The following ABR variants were observed in gnomAD, a reference collection of about 807,000 sequenced individuals.
ABR encodes ABR activator of RhoGEF and GTPase, also known as active breakpoint cluster region-related protein.
In ABR, 35 loss-of-function variants were observed where a neutral mutation model predicts 107.2. The observed-to-expected ratio is 0.33, with a 90% confidence interval of 0.25 to 0.43. ABR has a LOEUF of 0.43. ABR is among the 20% of genes least tolerant of loss of function. The pLI is 1.00. For synonymous variants in ABR, 498 were observed against 462.0 expected, an observed-to-expected ratio of 1.08 and a Z score of -1.00; for missense variants, 815 against 1,115.2, an observed-to-expected ratio of 0.73 and a Z score of 3.83.
At chr17:1,069,460 T>C (rs1326819252) in intron 9 of ABR, among the ~76,000 whole-genome samples, 2 of 152,032 alleles carry the variant, frequency 1.3e-5, no homozygotes. Flanking sequence ...GGTTGGGAGT[T>C]TGAGATCAGC....
At chr17:1,139,667 G>A (rs2040215684) in intron 1 of ABR, among the ~76,000 whole-genome samples, 1 of 152,164 alleles carries the variant, frequency 6.6e-6, no homozygotes, top group African/African-American at 2.4e-5. Context: ...TACAATGGAG[G>A]AAATGAAAGC....
intron 16 of ABR, among the ~76,000 whole-genome samples, chr17:1,018,268 T>G (rs2071345802): frequency 6.6e-6 from 1 of 150,852 alleles, no homozygotes; most frequent in African/African-American, 2.4e-5. Context: ...GGTCTTGATC[T>G]CCTGACCTCG....
chr17:1,175,225 A>G (rs1056474040), intron 1 of ABR, among the ~76,000 whole-genome samples: 3 of 152,124 alleles, frequency 2.0e-5, no homozygotes, highest in Admixed American at 2.0e-4. Flanking sequence ...CAGCCTGGCC[A>G]ACATGGTGAA....
chr17:1,103,112 C>G (rs933325913), intron 2 of ABR, among the ~76,000 whole-genome samples: 10 of 152,158 alleles, frequency 6.6e-5, no homozygotes, highest in Admixed American at 3.3e-4. Flanking sequence ...GCAAGACAGA[C>G]CCCACGCTTC....
chr17:1,189,756 T>C (rs2042392907), upstream of ABR, among the ~76,000 whole-genome samples: 1 of 152,146 alleles, frequency 6.6e-6, no homozygotes, highest in Admixed American at 6.6e-5. Flanking sequence ...CCTGCGTCGT[T>C]CCCTGCTTCT....
chr17:1,213,535 G>A (rs1410286803), intron 1 of ABR, among the ~76,000 whole-genome samples: 1 of 152,090 alleles, frequency 6.6e-6, no homozygotes. Context: ...GATTACAGGT[G>A]CATGCCACTA....
At position 1,119,376 on chromosome 17, in the gene ABR, C is replaced by T. The variant is rs1329597051; in HGVS notation, c.246+5807G>A. On this transcript the variant is annotated intron_variant, in intron 2 of 22. Coordinates refer to ENST00000302538, the MANE Select transcript of ABR (RefSeq NM_021962.5). ...CAGCGTTATCCCTGAGCCTGAGTTC[C>T]TCCCAGCGTTATCCCTGAGCCTGAG... 4.3e-3 allele frequency among the ~76,000 whole-genome samples: 130 copies of T among 30,440 alleles called. 1 individual carries two copies. Among genetic ancestry groups the T allele is most frequent in the African/African-American group, 9.1e-3 (58 of 6,408 alleles). The allele number at this position is 30,440 out of a possible 152,430, so 20.0% of individuals were successfully genotyped here. A position where few individuals can be genotyped will look rare whatever the true frequency, so the allele number is the denominator to read the frequency against.
At chr17:1,144,611 G>A (rs1042787541) in intron 1 of ABR, among the ~76,000 whole-genome samples, 1 of 152,010 alleles carries the variant, frequency 6.6e-6, no homozygotes, top group Non-Finnish European at 1.5e-5. Flanking sequence ...AGGGGCAGGG[G>A]CCAGGCTCAG....
In ABR at chr17:1,078,875, C is replaced by T. The variant is rs1446856248; in HGVS notation, c.700+455G>A. On this transcript the variant is annotated intron_variant, in intron 6 of 22. Transcript: ENST00000302538. The surrounding 1 kb of genome is among the most constrained non-coding windows in gnomAD (Gnocchi z 7.5). Reference sequence around the variant, plus strand: ...GAATCTCCATGGCAGCCTCTGTCCCCGCGGCGGGAGCGTGCAGCCATCGCT... The same window carrying T: ...GAATCTCCATGGCAGCCTCTGTCCCTGCGGCGGGAGCGTGCAGCCATCGCT... 6.5e-6 allele frequency: 10 copies of T among 1,535,414 alleles called. No homozygotes were observed. The African/African-American group carries it at 1.1e-4, about 17-fold the overall frequency.
rs536879355 is a variant in ABR, at chr17:1,133,018, G to A, written c.62-7651C>T. 7.2e-5 allele frequency among the ~76,000 whole-genome samples: 11 copies of A among 152,182 alleles called. No homozygotes were observed. The South Asian group carries it at 1.0e-3, about 14-fold the overall frequency. On this transcript the variant is annotated intron_variant, in intron 1 of 22. Coordinates refer to ENST00000302538, the MANE Select transcript of ABR (RefSeq NM_021962.5). ...AGGTCTTTGGGAGGCCGAAGTGGAC[G>A]GATCACCTGAGGTCAGGAGTTCGAG...
chr17:1,108,703 G>A lies in ABR; in HGVS notation c.247-7968C>T, dbSNP rs1392445921. Among the ~76,000 whole-genome samples the A allele has an allele frequency of 2.0e-5, 3 of 152,276 alleles. No homozygotes were observed. In the East Asian group the frequency reaches 5.8e-4, roughly 30 times the overall value. ...CCAGGTGACTCCTGGCACAGCCGCC[G>A]GAGCCCTGAGCTGGGCTGGCCTGGA... On this transcript the variant is annotated intron_variant, in intron 2 of 22. Transcript: ENST00000302538.
intron 16 of ABR, among the ~76,000 whole-genome samples, chr17:1,033,193 C>A (rs1277008139): frequency 6.6e-6 from 1 of 152,184 alleles, no homozygotes; most frequent in Non-Finnish European, 1.5e-5. Context: ...CAGAGACGAG[C>A]CCTCGGCATC....
At chr17:1,016,903 T>A (rs1445101228) in intron 16 of ABR, among the ~76,000 whole-genome samples, 1 of 152,136 alleles carries the variant, frequency 6.6e-6, no homozygotes, top group African/African-American at 2.4e-5. Context: ...GCCACTGTCA[T>A]CACGGAAGGG....
intron 11 of ABR, among the ~76,000 whole-genome samples, chr17:1,058,544 C>T (rs1033069850): frequency 4.6e-5 from 7 of 152,090 alleles, no homozygotes; most frequent in Admixed American, 2.0e-4. Flanking sequence ...GTGACAGGAG[C>T]GGCTGTGCCA....
chr17:1,076,729 TGGG>T (rs1214622660), intron 6 of ABR, among the ~76,000 whole-genome samples: 1 of 13,496 alleles, frequency 7.4e-5, no homozygotes, highest in Non-Finnish European at 1.8e-4. Context: ...GGGGTGGGGG[TGGG>T]GGGGGTGGCG....
chr17:1,159,588 C>T (rs553630986), intron 1 of ABR, among the ~76,000 whole-genome samples: 4 of 45,932 alleles, frequency 8.7e-5, no homozygotes, highest in African/African-American at 1.3e-4. Flanking sequence ...AGTAAGAATG[C>T]GGTACTCACA....
intron 3 of ABR, among the ~76,000 whole-genome samples, chr17:1,097,790 C>G (rs1414493690): frequency 6.6e-6 from 1 of 152,278 alleles, no homozygotes; most frequent in East Asian, 1.9e-4. Flanking sequence ...AATACACACC[C>G]TGTTAGTAAT....
intron 6 of ABR, among the ~76,000 whole-genome samples, chr17:1,075,941 C>T (rs2035670922): frequency 6.6e-6 from 1 of 152,156 alleles, no homozygotes. Flanking sequence ...ACTTGGGAGG[C>T]TGAGGCAGGG....
intron 18 of ABR, 56 bp downstream of exon 18, chr17:1,012,632 C>G (rs960901117): frequency 3.7e-6 from 5 of 1,358,590 alleles, no homozygotes; most frequent in Non-Finnish European, 5.1e-6. Context: ...GGGGCCCGGG[C>G]TGGGGGGGAC....
Sources: gnomAD v4.1 joint callset for allele counts (sites outside exome capture counted in the v4.1 genomes callset) on GRCh38, gnomAD v4.1.1 for gene constraint, Gnocchi (gnomAD v3.1) non-coding constraint, MANE v1.5 for transcripts, NCBI Gene and HGNC (gene_info 2026-07-23, HGNC 2026-07-21) for gene names.